Variants in HHAT observed in about 807,000 individuals in gnomAD.
HHAT encodes hedgehog acyltransferase.
A neutral mutation model predicts 70.8 loss-of-function variants in HHAT; 47 were observed. The ratio of observed to expected loss-of-function variants is 0.66; its 90% CI spans 0.53 to 0.85. The LOEUF (loss-of-function observed/expected upper bound fraction) is 0.85, where lower values mean the gene tolerates loss of function less well. HHAT is among the 40% of genes least tolerant of loss of function. The pLI, the probability that HHAT is intolerant of heterozygous loss-of-function variation, is 0.00. For missense variants in HHAT, 609 were observed against 604.8 expected, an observed-to-expected ratio of 1.01 and a Z score of -0.07; for synonymous variants, 228 against 247.6, an observed-to-expected ratio of 0.92 and a Z score of 0.74.
intron 2 of HHAT, among the ~76,000 whole-genome samples, chr1:210,358,027 G>A (rs1406826537): frequency 6.6e-6 from 1 of 152,176 alleles, no homozygotes; most frequent in Non-Finnish European, 1.5e-5. Flanking sequence ...TGGCTTCCAG[G>A]TAATCTGCTT....
chr1:210,516,699 T>C lies in HHAT; in HGVS notation c.1043+3511T>C, dbSNP rs114416251. On this transcript the variant is annotated intron_variant, in intron 9 of 11. Coordinates refer to ENST00000261458, the MANE Select transcript of HHAT (RefSeq NM_018194.6). Reference sequence around the variant, plus strand: ...TCCAACAAGCTCTTAATGTGCAGTTTGGTTTGTCAGGCTGTATTGAATGCT... The same window carrying C: ...TCCAACAAGCTCTTAATGTGCAGTTCGGTTTGTCAGGCTGTATTGAATGCT... Among the ~76,000 whole-genome samples, 236 of 152,130 alleles carry C rather than the reference T, an allele frequency of 1.6e-3. 1 individual carries two copies. The highest frequency in any genetic ancestry group is 5.4e-3 in the African/African-American group (226 of 41,500).
intron 11 of HHAT, among the ~76,000 whole-genome samples, chr1:210,652,037 A>G (rs1405000425): frequency 6.6e-6 from 1 of 152,214 alleles, no homozygotes; most frequent in Non-Finnish European, 1.5e-5. Context: ...AGCTGGAGGA[A>G]GTAATTGGAA....
At chr1:210,397,569 TTG>T (rs1491070360) in intron 4 of HHAT, among the ~76,000 whole-genome samples, 1 of 149,822 alleles carries the variant, frequency 6.7e-6, no homozygotes, top group African/African-American at 2.4e-5. Context: ...TTTTTTTTTT[TTG>T]AAAAGTTAAA....
intron 10 of HHAT, among the ~76,000 whole-genome samples, chr1:210,593,814 A>C (rs564462699): frequency 6.6e-6 from 1 of 152,112 alleles, no homozygotes; most frequent in African/African-American, 2.4e-5. Context: ...AGCTCTAATA[A>C]TATTTGCTTT....
intron 1 of HHAT, among the ~76,000 whole-genome samples, chr1:210,341,763 T>G (rs1158053162): frequency 6.6e-6 from 1 of 152,232 alleles, no homozygotes; most frequent in Non-Finnish European, 1.5e-5. Flanking sequence ...GCTAAGATTT[T>G]ATTCTGTGGC....
chr1:210,486,945 G>C (rs1442417032), intron 8 of HHAT, among the ~76,000 whole-genome samples: 1 of 152,184 alleles, frequency 6.6e-6, no homozygotes, highest in Non-Finnish European at 1.5e-5. Flanking sequence ...TCTGAAGAAT[G>C]TGAAAAGGAG....
chr1:210,592,171 A>G (rs1043442702), intron 10 of HHAT, among the ~76,000 whole-genome samples: 1 of 152,040 alleles, frequency 6.6e-6, no homozygotes, highest in African/African-American at 2.4e-5. Context: ...TGAGACCTTA[A>G]TTTAAGTCTG....
At position 210,361,941 on chromosome 1, in the gene HHAT, T is replaced by C. The variant is rs115977437; in HGVS notation, c.92-911T>C. Among the ~76,000 whole-genome samples the C allele has an allele frequency of 7.4e-3, 1,133 of 152,262 alleles. 20 individuals carry two copies. Among genetic ancestry groups the C allele is most frequent in the African/African-American group, 0.026 (1,088 of 41,550 alleles). On this transcript the variant is annotated intron_variant, in intron 2 of 11. Coordinates refer to ENST00000261458, the MANE Select transcript of HHAT (RefSeq NM_018194.6). ...ATCATGGCACTGATCAGCACTATCA[T>C]AGTTTCTTATTCTGTGTTTGTCTAT...
rs576831250 is a variant in HHAT at position 210,329,779 on chromosome 1, C to T, written c.-44+675C>T. 1.4e-4 allele frequency among the ~76,000 whole-genome samples: 21 copies of T among 152,306 alleles called. No homozygotes were observed. In the South Asian group the frequency reaches 3.7e-3, roughly 27 times the overall value. ...TTTGTGTTTTTGAGGCGGAGTTTCG[C>T]TCTGGTCGCCCAGGCTGGAGTGCAA... is the stretch of plus-strand genomic sequence containing the variant. On this transcript the variant is annotated intron_variant, in intron 1 of 11. Coordinates refer to ENST00000261458, the MANE Select transcript of HHAT (RefSeq NM_018194.6).
At position 210,336,287 on chromosome 1, in the gene HHAT, ATTT is replaced by A. The variant is rs541795412; in HGVS notation, c.-44+7204_-44+7206del. On this transcript the variant is annotated intron_variant, in intron 1 of 11. Transcript: ENST00000261458. ...AGGCATGCACCACTGTGCCTGGCTAATTTTTTTTTTTTTTTTTTTTTTTAGAGA... is the reference window on the plus strand; with the variant it reads ...AGGCATGCACCACTGTGCCTGGCTAATTTTTTTTTTTTTTTTTTTTAGAGA... 6.6e-3 allele frequency among the ~76,000 whole-genome samples: 561 copies of A among 84,594 alleles called. 7 individuals are homozygous for A. Among genetic ancestry groups the A allele is most frequent in the African/African-American group, 0.022 (488 of 22,096 alleles). 55.5% of individuals were successfully genotyped at this position (84,594 alleles called of 152,430 possible).
chr1:210,448,805 A>AT (rs2093688129), intron 7 of HHAT, among the ~76,000 whole-genome samples: 1 of 131,538 alleles, frequency 7.6e-6, no homozygotes. Flanking sequence ...AGTGGATTTC[A>AT]GCAGTGAGGG....
intron 9 of HHAT, among the ~76,000 whole-genome samples, chr1:210,522,116 G>T (rs1032180573): frequency 1.3e-5 from 2 of 152,184 alleles, no homozygotes; most frequent in African/African-American, 4.8e-5. Context: ...TTTTAATAGT[G>T]ATATAAAAAG....
intron 7 of HHAT, among the ~76,000 whole-genome samples, chr1:210,420,274 T>C (rs2092857464): frequency 8.2e-6 from 1 of 121,406 alleles, no homozygotes; most frequent in Admixed American, 9.3e-5. Context: ...GGTTTTCTTG[T>C]TTAACATTAT....
chr1:210,409,034 T>A (rs1281827078), intron 6 of HHAT, among the ~76,000 whole-genome samples: 1 of 152,114 alleles, frequency 6.6e-6, no homozygotes, highest in Admixed American at 6.5e-5. Flanking sequence ...GCTAATTTTT[T>A]AAAAATACTT....
At chr1:210,485,689 CAA>C (rs1553395106) in intron 8 of HHAT, among the ~76,000 whole-genome samples, 1 of 152,002 alleles carries the variant, frequency 6.6e-6, no homozygotes, top group Non-Finnish European at 1.5e-5. Flanking sequence ...TGGCAGCAGA[CAA>C]AGAGAGAATG....
chr1:210,600,253 T>C (rs1040280161), intron 10 of HHAT, among the ~76,000 whole-genome samples: 5 of 152,184 alleles, frequency 3.3e-5, no homozygotes, highest in African/African-American at 1.2e-4. Flanking sequence ...TTATCCCAAT[T>C]CCTGGCACAG....
At chr1:210,440,383 T>A (rs541799902) in intron 7 of HHAT, among the ~76,000 whole-genome samples, 1 of 151,580 alleles carries the variant, frequency 6.6e-6, no homozygotes, top group Admixed American at 6.6e-5. Context: ...GGGTAATTCT[T>A]TGGAGTGGTC....
chr1:210,591,536 G>C (rs920593191), intron 10 of HHAT, among the ~76,000 whole-genome samples: 1 of 152,014 alleles, frequency 6.6e-6, no homozygotes, highest in East Asian at 1.9e-4. Context: ...TTAATTTACC[G>C]ATTTCCTTTC....
intron 8 of HHAT, among the ~76,000 whole-genome samples, chr1:210,507,883 T>C (rs2094888091): frequency 6.6e-6 from 1 of 152,038 alleles, no homozygotes; most frequent in Admixed American, 6.6e-5. Flanking sequence ...TAGCTTGATT[T>C]AATCATTCCA....
Sources: gnomAD v4.1 joint callset for allele counts (sites outside exome capture counted in the v4.1 genomes callset) on GRCh38, gnomAD v4.1.1 for gene constraint, MANE v1.5 for transcripts, NCBI Gene and HGNC (gene_info 2026-07-23, HGNC 2026-07-21) for gene names.